Variants in WIPF1 observed in about 807,000 individuals in gnomAD.
WIPF1 encodes WAS/WASL-interacting protein family member 1.
In WIPF1, 13 loss-of-function variants were observed where a neutral mutation model predicts 35.4. The observed-to-expected ratio is 0.37, with a 90% confidence interval of 0.24 to 0.58. WIPF1 has a LOEUF of 0.58. Ranked by LOEUF, WIPF1 falls within the 20% of genes least tolerant of loss-of-function variation. The probability of loss-of-function intolerance (pLI) is 0.74; values close to 1 mark genes in which losing one functional copy is unlikely to be tolerated. For missense variants in WIPF1, 591 were observed against 667.0 expected (o/e 0.89, Z 1.25); for synonymous variants, 267 against 266.3 (o/e 1.00, Z -0.02).
chr2:174,589,548 G>T (rs1004189788), intron 1 of WIPF1, among the ~76,000 whole-genome samples: 4 of 152,170 alleles, frequency 2.6e-5, no homozygotes, highest in Admixed American at 2.6e-4. Context: ...CCTAGAGCAC[G>T]GATCCTAACA....
chr2:174,620,721 G>C (rs912109782), intron 1 of WIPF1, among the ~76,000 whole-genome samples: 1 of 152,216 alleles, frequency 6.6e-6, no homozygotes, highest in Non-Finnish European at 1.5e-5. Context: ...AGGGACATGT[G>C]AGCAAATCAT....
At chr2:174,643,426 T>C (rs1223882395) in intron 1 of WIPF1, among the ~76,000 whole-genome samples, 1 of 149,232 alleles carries the variant, frequency 6.7e-6, no homozygotes, top group Non-Finnish European at 1.5e-5. Flanking sequence ...TGTGTGTGTG[T>C]GTGTGAGACA....
At chr2:174,645,047 G>A (rs1321869137) in intron 1 of WIPF1, among the ~76,000 whole-genome samples, 3 of 152,198 alleles carry the variant, frequency 2.0e-5, no homozygotes, top group African/African-American at 4.8e-5. Context: ...GGAAGGAATA[G>A]GGATAAAGGT....
intron 1 of WIPF1, among the ~76,000 whole-genome samples, chr2:174,607,304 G>A (rs1356439033): frequency 2.0e-5 from 3 of 152,114 alleles, no homozygotes; most frequent in African/African-American, 7.2e-5. Context: ...TCGGGAGGCT[G>A]AGGTAGGAGA....
chr2:174,589,649 AT>A (rs1309839662), intron 1 of WIPF1, among the ~76,000 whole-genome samples: 2 of 152,186 alleles, frequency 1.3e-5, no homozygotes, highest in African/African-American at 4.8e-5. Flanking sequence ...AGTACATATT[AT>A]TTCTACTAAG....
intron 5 of WIPF1, among the ~76,000 whole-genome samples, chr2:174,569,671 A>G (rs1331910866): frequency 1.3e-5 from 2 of 152,194 alleles, no homozygotes; most frequent in African/African-American, 4.8e-5. Context: ...GAATATAACT[A>G]TATGCCAGGA....
At chr2:174,614,958 A>C (rs1319023191) in intron 1 of WIPF1, among the ~76,000 whole-genome samples, 1 of 152,258 alleles carries the variant, frequency 6.6e-6, no homozygotes, top group Non-Finnish European at 1.5e-5. Context: ...AAAGATGAGA[A>C]TATCTCAAAA....
intron 3 of WIPF1, 171 bp downstream of exon 3, chr2:174,581,139 C>G (rs1006434161): frequency 2.4e-6 from 2 of 849,280 alleles, no homozygotes; most frequent in Non-Finnish European, 3.5e-6. Context: ...TAGAGGGGAA[C>G]CCAAGCCAAA....
At chr2:174,642,373 G>T (rs1298783817) in intron 1 of WIPF1, among the ~76,000 whole-genome samples, 2 of 110,532 alleles carry the variant, frequency 1.8e-5, no homozygotes, top group Non-Finnish European at 3.4e-5. Context: ...TTGAGACAGA[G>T]TCTCACTCTG....
At chr2:174,616,845 C>A (rs959077336) in intron 1 of WIPF1, among the ~76,000 whole-genome samples, 4 of 152,076 alleles carry the variant, frequency 2.6e-5, no homozygotes, top group African/African-American at 9.7e-5. Context: ...TCTTTAAATT[C>A]TTTTCAATCC....
In WIPF1 at chr2:174,590,859, G is replaced by C. The variant is rs752837133; in HGVS notation, c.-38-5248C>G. Among the ~76,000 whole-genome samples, 1 of 152,136 alleles carries C rather than the reference G, an allele frequency of 6.6e-6. No homozygotes were observed. Among genetic ancestry groups the C allele is most frequent in the Non-Finnish European group, 1.5e-5 (1 of 68,032 alleles). On this transcript the variant is annotated intron_variant, in intron 1 of 7. Transcript: ENST00000679041. The surrounding 1 kb of genome is among the most constrained non-coding windows in gnomAD (Gnocchi z 4.6). ...CCAGACTTTCTAAAATCTTTACTTG[G>C]TGTGTTGACTTCTACAAACACAAAG...
intron 3 of WIPF1, among the ~76,000 whole-genome samples, chr2:174,578,777 A>G (rs2105824597): frequency 2.0e-5 from 3 of 152,354 alleles, no homozygotes; most frequent in Admixed American, 2.0e-4. Flanking sequence ...TCTGATAATA[A>G]CTGACAAGAA....
chr2:174,603,334 A>C (rs1559158320), intron 1 of WIPF1, among the ~76,000 whole-genome samples: 1 of 152,168 alleles, frequency 6.6e-6, no homozygotes, highest in Non-Finnish European at 1.5e-5. Context: ...CAATGCAAAG[A>C]CTCTTAAGTG....
At chr2:174,657,339 G>A (rs1349242248) in intron 1 of WIPF1, among the ~76,000 whole-genome samples, 1 of 152,174 alleles carries the variant, frequency 6.6e-6, no homozygotes, top group Non-Finnish European at 1.5e-5. Context: ...TGTATGTCTA[G>A]AATAGCATGC....
intron 5 of WIPF1, among the ~76,000 whole-genome samples, chr2:174,569,375 A>G (rs1684762277): frequency 6.6e-6 from 1 of 152,134 alleles, no homozygotes; most frequent in South Asian, 2.1e-4. Flanking sequence ...CTGGAGTCCC[A>G]GGCAGCAAGA....
intron 3 of WIPF1, among the ~76,000 whole-genome samples, chr2:174,576,243 A>ACAACAAAAAAAAAAAC (rs1472519844): frequency 1.1e-3 from 173 of 150,464 alleles, no homozygotes; most frequent in African/African-American, 4.2e-3. Flanking sequence ...AAAAAAAAAA[A>ACAACAAAAAAAAAAAC]AAAAAACACT....
upstream of WIPF1, among the ~76,000 whole-genome samples, chr2:174,599,373 TCTAA>T (rs1222343696): frequency 2.0e-5 from 3 of 152,022 alleles, no homozygotes; most frequent in Non-Finnish European, 4.4e-5. Context: ...GAGATAGGAG[TCTAA>T]TTGCATGAGC....
At chr2:174,652,047 T>C (rs1016712084) in intron 1 of WIPF1, among the ~76,000 whole-genome samples, 2 of 152,210 alleles carry the variant, frequency 1.3e-5, no homozygotes, top group Non-Finnish European at 2.9e-5. Context: ...ACTTTTTACA[T>C]AGTGGCTCAA....
In WIPF1 at chr2:174,571,148, G is replaced by T. The variant is rs186384252; in HGVS notation, c.1129+528C>A. On this transcript the variant is annotated intron_variant, in intron 5 of 7. Coordinates refer to ENST00000679041, the MANE Select transcript of WIPF1 (RefSeq NM_001375834.1). The surrounding 1 kb of genome is among the most constrained non-coding windows in gnomAD (Gnocchi z 4.6). ...GATTCTCCAAGGGATTTATGTACCA[G>T]AGATTACAAAGAGCAAAATGGACTT... 1 of 188,300 alleles carries T rather than the reference G, an allele frequency of 5.3e-6. No homozygotes were observed. Among genetic ancestry groups the T allele is most frequent in the South Asian group, 9.6e-5 (1 of 10,418 alleles). The allele number at this position is 188,300 out of a possible 1,614,324, so 11.7% of individuals were successfully genotyped here.
Sources: allele counts gnomAD v4.1 joint callset (sites outside exome capture counted in the v4.1 genomes callset), GRCh38; gene constraint gnomAD v4.1.1; non-coding constraint Gnocchi (gnomAD v3.1); transcripts MANE v1.5; gene names NCBI Gene and HGNC (gene_info 2026-07-23, HGNC 2026-07-21).